Variants in RCAN3 observed in about 807,000 individuals in gnomAD.
RCAN3 encodes the protein regulator of calcineurin 3, also known as calcipressin-3.
A neutral mutation model predicts 21.9 loss-of-function variants in RCAN3; 19 were observed. The ratio of observed to expected loss-of-function variants is 0.87; its 90% CI spans 0.61 to 1.27. The LOEUF is 1.27. Ranked by LOEUF, RCAN3 falls within the 50% of genes most tolerant of loss-of-function variation. RCAN3 has a pLI of 0.00. For missense variants in RCAN3, 240 were observed against 300.1 expected (o/e 0.80, Z 1.48); for synonymous variants, 114 against 112.3 (o/e 1.01, Z -0.09).
intron 1 of RCAN3, chr1:24,507,600 G>A (rs1647541268): frequency 6.6e-6 from 1 of 152,192 alleles, no homozygotes; most frequent in African/African-American, 2.4e-5. Context: ...CACTGTAAGA[G>A]CTAAGTCCAC....
chr1:24,519,008 T>A (rs1648568873), intron 2 of RCAN3, among the ~76,000 whole-genome samples: 1 of 152,118 alleles, frequency 6.6e-6, no homozygotes, highest in Admixed American at 6.6e-5. Flanking sequence ...ACTCCTGACC[T>A]CAGATGATCT....
chr1:24,538,236 C>T lies in RCAN3; in HGVS notation c.*2959C>T, dbSNP rs950065733. The T allele has an allele frequency of 2.0e-5, 3 of 152,076 alleles. No individual in the cohort carries two copies. Among genetic ancestry groups the T allele is most frequent in the Admixed American group, 6.6e-5 (1 of 15,262 alleles). 9.4% of individuals were successfully genotyped at this position (152,076 alleles called of 1,614,324 possible). A position where few individuals can be genotyped will look rare whatever the true frequency, so the allele number is the denominator to read the frequency against. On this transcript the variant is annotated 3_prime_UTR_variant, in exon 5 of 5. Transcript: ENST00000374395. ...TGGATAGCAACAGTTCCATTGCCTT[C>T]GAGAACTAAAACTCAGCTGGAAAGC...
In RCAN3 at chr1:24,533,314, A is replaced by G. The variant is rs1334449537; in HGVS notation, c.541+60A>G. ...AAGAAACTTTTGTATTGAAGATCGT[A>G]TTCAGCAGTGTGCATTGTGGCAGTA... On this transcript the variant is annotated intron_variant, in intron 4 of 4. Transcript: ENST00000374395. 4.5e-6 allele frequency: 6 copies of G among 1,344,980 alleles called. No individual in the cohort carries two copies. The African/African-American group carries it at 6.0e-5, about 13-fold the overall frequency. 83.3% of individuals were successfully genotyped at this position (1,344,980 alleles called of 1,614,324 possible). A position where few individuals can be genotyped will look rare whatever the true frequency, so the allele number is the denominator to read the frequency against.
chr1:24,540,678 T>G lies in RCAN3; in HGVS notation c.*5401T>G, dbSNP rs891714364. On this transcript the variant is annotated 3_prime_UTR_variant, in exon 5 of 5. Coordinates refer to ENST00000374395, the MANE Select transcript of RCAN3 (RefSeq NM_013441.4). ...CCCAATCATTTCACTTCAATCTTAA[T>G]TGAACCCAAGAGTCAAAGTTATTAT... 2 of 152,220 alleles carry G rather than the reference T, an allele frequency of 1.3e-5. No individual in the cohort carries two copies. Among genetic ancestry groups the G allele is most frequent in the Non-Finnish European group, 2.9e-5 (2 of 68,036 alleles). The allele number at this position is 152,220 out of a possible 1,614,324, so 9.4% of individuals were successfully genotyped here.
chr1:24,515,275 C>T (rs1648214508), intron 2 of RCAN3, among the ~76,000 whole-genome samples: 1 of 152,116 alleles, frequency 6.6e-6, no homozygotes, highest in South Asian at 2.1e-4. Flanking sequence ...TTTCCTGGGG[C>T]TGATTTACAT....
At chr1:24,534,337 TCACAC>T (rs1240331387) in intron 4 of RCAN3, among the ~76,000 whole-genome samples, 2 of 152,106 alleles carry the variant, frequency 1.3e-5, no homozygotes, top group Non-Finnish European at 2.9e-5. Flanking sequence ...GTGCGGTGGC[TCACAC>T]CTGTAATCCC....
intron 1 of RCAN3, among the ~76,000 whole-genome samples, chr1:24,514,077 C>A (rs1328138624): frequency 6.6e-6 from 1 of 152,162 alleles, no homozygotes; most frequent in Admixed American, 6.5e-5. Context: ...AAACGTTTTG[C>A]CTTTTTTTCT....
Position 24,505,211 on chromosome 1 carries a change from G to GTT in RCAN3, c.-60+2071_-60+2072dup, listed in dbSNP as rs796108173. 1.8e-4 allele frequency among the ~76,000 whole-genome samples: 16 copies of GTT among 89,716 alleles called. No individual in the cohort carries two copies. The South Asian group carries it at 3.2e-3, about 18-fold the overall frequency. 58.9% of individuals were successfully genotyped at this position (89,716 alleles called of 152,430 possible). A position where few individuals can be genotyped will look rare whatever the true frequency, so the allele number is the denominator to read the frequency against. ...CTAAGTGGCTTTTTGTTGTTGCTTT[G>GTT]TTTTTTTTTTTCTCTTTTTTCTTTT... is the stretch of plus-strand genomic sequence containing the variant. On this transcript the variant is annotated intron_variant, in intron 1 of 4. Coordinates refer to ENST00000374395, the MANE Select transcript of RCAN3 (RefSeq NM_013441.4).
rs1426241277 is a variant in RCAN3, at chr1:24,514,501, T to C, written c.129T>C (p.Ser43=). The change falls in exon 2 of 5, where the codon AGT becomes AGC. Residue 43 remains serine (S), a synonymous_variant. Transcript: ENST00000374395. ...EDDLDEMMDL[S]DLPTSLFACS... ...ATTTGGATGAGATGATGGATTTAAG[T>C]GATCTGCCTACCTCACTTTTTGCTT... 5 of 1,614,088 alleles carry C rather than the reference T, an allele frequency of 3.1e-6. No individual in the cohort carries two copies. Among genetic ancestry groups the C allele is most frequent in the Non-Finnish European group, 4.2e-6 (5 of 1,180,044 alleles).
intron 1 of RCAN3, among the ~76,000 whole-genome samples, chr1:24,504,437 A>G (rs1274547324): frequency 2.0e-5 from 3 of 149,866 alleles, no homozygotes; most frequent in Middle Eastern, 3.2e-3. Context: ...CAAAGTGCTG[A>G]GATTACAGGC....
chr1:24,515,378 A>T (rs893653332), intron 2 of RCAN3, among the ~76,000 whole-genome samples: 2 of 151,690 alleles, frequency 1.3e-5, no homozygotes, highest in Non-Finnish European at 2.9e-5. Flanking sequence ...GATTGAGCTT[A>T]TTATTTTAAA....
At chr1:24,523,663 A>G (rs1412713068) in intron 2 of RCAN3, among the ~76,000 whole-genome samples, 1 of 148,300 alleles carries the variant, frequency 6.7e-6, no homozygotes, top group Non-Finnish European at 1.5e-5. Flanking sequence ...TTTTCTTCAG[A>G]TGGAGTCTCA....
chr1:24,508,043 A>AGCCGAGATCGCGCCACTGC (rs1553149566), intron 1 of RCAN3, among the ~76,000 whole-genome samples: 1 of 152,092 alleles, frequency 6.6e-6, no homozygotes, highest in African/African-American at 2.4e-5. Flanking sequence ...TGCGCCAGTG[A>AGCCGAGATCGCGCCACTGC]GCCGAGATCG....
intron 2 of RCAN3, among the ~76,000 whole-genome samples, chr1:24,520,298 T>C (rs1570463718): frequency 6.6e-6 from 1 of 152,242 alleles, no homozygotes; most frequent in African/African-American, 2.4e-5. Flanking sequence ...AATTAAATAC[T>C]AGAGAATCAT....
At chr1:24,527,016 A>G (rs1442819442) in intron 2 of RCAN3, among the ~76,000 whole-genome samples, 1 of 152,150 alleles carries the variant, frequency 6.6e-6, no homozygotes, top group Non-Finnish European at 1.5e-5. Context: ...CTATATCTAT[A>G]TAATATTTTG....
At chr1:24,518,168 A>AT (rs376563126) in intron 2 of RCAN3, among the ~76,000 whole-genome samples, 26 of 151,822 alleles carry the variant, frequency 1.7e-4, no homozygotes, top group African/African-American at 5.3e-4. Flanking sequence ...CTATAAAAAA[A>AT]TTTTTTTTTC....
At position 24,535,173 on chromosome 1, in the gene RCAN3, G is replaced by A. The variant is rs759042205; in HGVS notation, c.622G>A (p.Glu208Lys). 8.8e-6 allele frequency: 14 copies of A among 1,595,716 alleles called. No homozygotes were observed. In the South Asian group the frequency reaches 1.5e-4, roughly 17 times the overall value. Residue 208 changes from glutamate (E) to lysine (K), a missense_variant, in exon 5 of 5, where the codon GAA (glutamate) becomes AAA (lysine). By Grantham distance (56) the Glu-to-Lys change is moderately conservative. Coordinates refer to ENST00000374395, the MANE Select transcript of RCAN3 (RefSeq NM_013441.4). ...TGTCTGTGAAAGTGAAACTGAAGAG[G>A]AAGAAGAGACAAAAAACCCCAAACA... Reference protein sequence around the residue: ...VHVCESETEEEEETKNPKQKI... With the variant: ...VHVCESETEEKEETKNPKQKI...
Position 24,536,152 on chromosome 1 carries a change from C to T in RCAN3, c.*875C>T, listed in dbSNP as rs1267540336. The T allele has an allele frequency of 6.6e-6, 1 of 152,190 alleles. No individual in the cohort carries two copies. The allele number at this position is 152,190 out of a possible 1,614,324, so 9.4% of individuals were successfully genotyped here. A position where few individuals can be genotyped will look rare whatever the true frequency, so the allele number is the denominator to read the frequency against. Reference sequence around the variant, plus strand: ...TTTTATCCTTCACCTTTTCCAGTATCTTGTTAACCACTAGTTCTTGAGTTT... The same window carrying T: ...TTTTATCCTTCACCTTTTCCAGTATTTTGTTAACCACTAGTTCTTGAGTTT... On this transcript the variant is annotated 3_prime_UTR_variant, in exon 5 of 5. Transcript: ENST00000374395.
rs930101997 is a variant in RCAN3, at chr1:24,537,396, A to AT, written c.*2126dup. 2.6e-5 allele frequency: 4 copies of AT among 152,080 alleles called. No homozygotes were observed. The highest frequency in any genetic ancestry group is 9.7e-5 in the African/African-American group (4 of 41,426). 9.4% of individuals were successfully genotyped at this position (152,080 alleles called of 1,614,324 possible). On this transcript the variant is annotated 3_prime_UTR_variant, in exon 5 of 5. Coordinates refer to ENST00000374395, the MANE Select transcript of RCAN3 (RefSeq NM_013441.4). ...TTTCTAGTATAATATAATAAAATGA[A>AT]TTTTTTTAAAAAAGCTACTAAGTAC...
Sources: gnomAD v4.1 joint callset for allele counts (sites outside exome capture counted in the v4.1 genomes callset) on GRCh38, gnomAD v4.1.1 for gene constraint, MANE v1.5 for transcripts, NCBI Gene and HGNC (gene_info 2026-07-23, HGNC 2026-07-21) for gene names.